Variants in C8orf34 observed in about 807,000 individuals in gnomAD.
C8orf34 encodes uncharacterized protein C8orf34.
In C8orf34, 65 loss-of-function variants were observed where a neutral mutation model predicts 68.3. The observed-to-expected ratio is 0.95, with a 90% confidence interval of 0.78 to 1.17. The LOEUF is 1.17. Among genes scored for constraint, C8orf34 ranks in the 50% most tolerant of loss-of-function variants. The probability of loss-of-function intolerance (pLI) is 0.00; values close to 1 mark genes in which losing one functional copy is unlikely to be tolerated. For missense variants in C8orf34, 664 were observed against 655.4 expected (o/e 1.01, Z -0.14); for synonymous variants, 244 against 241.2 (o/e 1.01, Z -0.11).
chr8:68,643,113 G>A (rs1157769431), intron 8 of C8orf34, among the ~76,000 whole-genome samples: 1 of 152,168 alleles, frequency 6.6e-6, no homozygotes, highest in African/African-American at 2.4e-5. Context: ...TCTTGAACAG[G>A]TGATCTGCAA....
rs553186695 is a variant in C8orf34, at chr8:68,614,209, G to T, written c.1106-26167G>T. ...TATTAGCCCTTTGTCAGATGAGTAGGTTGCGAAAATTTTCTCCCATTTTGT... is the reference window on the plus strand; with the variant it reads ...TATTAGCCCTTTGTCAGATGAGTAGTTTGCGAAAATTTTCTCCCATTTTGT... On this transcript the variant is annotated intron_variant, in intron 7 of 13. Coordinates refer to ENST00000518698, the MANE Select transcript of C8orf34 (RefSeq NM_052958.4). Among the ~76,000 whole-genome samples, 519 of 151,960 alleles carry T rather than the reference G, an allele frequency of 3.4e-3. 4 individuals carry two copies. Among genetic ancestry groups the T allele is most frequent in the African/African-American group, 0.012 (498 of 41,462 alleles).
At chr8:68,419,242 G>T (rs979057831) in intron 1 of C8orf34, among the ~76,000 whole-genome samples, 3 of 149,264 alleles carry the variant, frequency 2.0e-5, no homozygotes, top group Admixed American at 6.7e-5. Context: ...CACCATCACT[G>T]GCCATCAGAG....
chr8:68,480,979 A>G (rs1022603352), intron 4 of C8orf34, among the ~76,000 whole-genome samples: 13 of 152,300 alleles, frequency 8.5e-5, no homozygotes, highest in African/African-American at 2.4e-4. Context: ...CAGGAACCTA[A>G]TGTTAATCCC....
At chr8:68,668,239 G>A (rs1819900743) in intron 8 of C8orf34, among the ~76,000 whole-genome samples, 1 of 152,000 alleles carries the variant, frequency 6.6e-6, no homozygotes, top group African/African-American at 2.4e-5. Flanking sequence ...TAAGTACCAA[G>A]TTGTATAACA....
intron 8 of C8orf34, among the ~76,000 whole-genome samples, chr8:68,681,332 T>C (rs566886721): frequency 1.3e-5 from 2 of 152,286 alleles, no homozygotes; most frequent in South Asian, 2.1e-4. Context: ...AACTGATAAA[T>C]GTCCATATTA....
chr8:68,663,280 C>G (rs1402410278), intron 8 of C8orf34, among the ~76,000 whole-genome samples: 2 of 152,188 alleles, frequency 1.3e-5, no homozygotes, highest in Non-Finnish European at 1.5e-5. Context: ...GAGATCTGCT[C>G]AAGTGATTTG....
At chr8:68,583,352 A>C (rs1817120277) in intron 7 of C8orf34, among the ~76,000 whole-genome samples, 1 of 152,178 alleles carries the variant, frequency 6.6e-6, no homozygotes, top group African/African-American at 2.4e-5. Flanking sequence ...TGTTTCTAAC[A>C]ACTAATTAAT....
At chr8:68,625,795 T>C in intron 7 of C8orf34, 1 of 497,232 alleles carries the variant, frequency 2.0e-6, no homozygotes, top group Non-Finnish European at 3.6e-6. Context: ...ATTTGATTCT[T>C]TTTTAATTTA....
intron 8 of C8orf34, among the ~76,000 whole-genome samples, chr8:68,683,818 A>T (rs1169287986): frequency 3.3e-5 from 5 of 152,132 alleles, no homozygotes; most frequent in Admixed American, 6.6e-5. Context: ...AAATCAGAAA[A>T]ATAGTCCATG....
intron 1 of C8orf34, among the ~76,000 whole-genome samples, chr8:68,374,736 G>A (rs745390055): frequency 7.9e-5 from 12 of 152,058 alleles, no homozygotes; most frequent in Non-Finnish European, 1.8e-4. Flanking sequence ...ATTGGCCCAA[G>A]GTTGCATCCA....
intron 10 of C8orf34, among the ~76,000 whole-genome samples, chr8:68,733,049 G>T (rs1822027749): frequency 6.6e-6 from 1 of 152,110 alleles, no homozygotes; most frequent in African/African-American, 2.4e-5. Flanking sequence ...GGGCAACAGA[G>T]TGAGACTCTG....
At chr8:68,626,701 G>C (rs1196802335) in intron 7 of C8orf34, among the ~76,000 whole-genome samples, 4 of 152,278 alleles carry the variant, frequency 2.6e-5, no homozygotes, top group East Asian at 1.9e-4. Context: ...CACATAGGAA[G>C]TTCTCAACAT....
intron 8 of C8orf34, among the ~76,000 whole-genome samples, chr8:68,654,183 T>A (rs1184551957): frequency 6.6e-6 from 1 of 152,104 alleles, no homozygotes. Flanking sequence ...TGTGAGGATA[T>A]ACAGAAGGCA....
At chr8:68,492,382 A>G (rs2129631932) in intron 5 of C8orf34, among the ~76,000 whole-genome samples, 1 of 152,136 alleles carries the variant, frequency 6.6e-6, no homozygotes, top group Non-Finnish European at 1.5e-5. Context: ...AACGTGTGCC[A>G]CCATGCCTGG....
intron 8 of C8orf34, among the ~76,000 whole-genome samples, chr8:68,679,303 A>G (rs1212798351): frequency 1.3e-5 from 2 of 152,046 alleles, no homozygotes; most frequent in Non-Finnish European, 2.9e-5. Flanking sequence ...AAACAAAACA[A>G]AAACAAAAAA....
intron 1 of C8orf34, among the ~76,000 whole-genome samples, chr8:68,332,508 G>A (rs865984674): frequency 2.7e-5 from 4 of 150,894 alleles, no homozygotes; most frequent in Admixed American, 6.6e-5. Flanking sequence ...GCGGCAAGTG[G>A]AAGGGGCTGC....
At chr8:68,443,463 C>T (rs1281427714) in intron 2 of C8orf34, among the ~76,000 whole-genome samples, 19 of 152,004 alleles carry the variant, frequency 1.2e-4, no homozygotes, top group South Asian at 4.2e-4. Flanking sequence ...GGCATGATCT[C>T]GGCTCACTGC....
intron 10 of C8orf34, among the ~76,000 whole-genome samples, chr8:68,768,510 T>C (rs1245979584): frequency 6.6e-6 from 1 of 152,212 alleles, no homozygotes; most frequent in Non-Finnish European, 1.5e-5. Flanking sequence ...CCTCGTTTCT[T>C]GTATCTTTAT....
At chr8:68,385,028 A>T (rs895849855) in intron 1 of C8orf34, among the ~76,000 whole-genome samples, 3 of 152,244 alleles carry the variant, frequency 2.0e-5, no homozygotes, top group African/African-American at 7.2e-5. Context: ...TAATGAGTTT[A>T]AAGTCTCTTG....
Sources: gnomAD v4.1 joint callset for allele counts (sites outside exome capture counted in the v4.1 genomes callset) on GRCh38, gnomAD v4.1.1 for gene constraint, MANE v1.5 for transcripts, NCBI Gene and HGNC (gene_info 2026-07-23, HGNC 2026-07-21) for gene names.